WARS2: variants seen among roughly 807,000 people sequenced by gnomAD.
WARS2 encodes tryptophanyl tRNA synthetase 2, mitochondrial.
In WARS2, 28 loss-of-function variants were observed where a neutral mutation model predicts 36.5. That is an observed-to-expected ratio of 0.77 (90% CI 0.57 to 1.05). WARS2 has a LOEUF of 1.05. WARS2 is among the 50% of genes least tolerant of loss of function. The probability of loss-of-function intolerance (pLI) is 0.00; values close to 1 mark genes in which losing one functional copy is unlikely to be tolerated. For synonymous variants in WARS2, 174 were observed against 178.4 expected (o/e 0.98, Z 0.20); for missense variants, 435 against 456.8 (o/e 0.95, Z 0.44).
At position 119,103,775 on chromosome 1, in the gene WARS2, A is replaced by C. The variant is rs587712524; in HGVS notation, c.91-27168T>G. Among the ~76,000 whole-genome samples, 15 of 152,038 alleles carry C rather than the reference A, an allele frequency of 9.9e-5. No homozygotes were observed. The South Asian group carries it at 3.1e-3, about 32-fold the overall frequency. On this transcript the variant is annotated intron_variant, in intron 1 of 5. Transcript: ENST00000235521. ...TAAGACTCAAGTGTATTTATCTATAACTTTATTTAAAAATATGAAACAATT... is the reference window on the plus strand; with the variant it reads ...TAAGACTCAAGTGTATTTATCTATACCTTTATTTAAAAATATGAAACAATT...
At position 119,031,844 on chromosome 1, in the gene WARS2, C is replaced by T. The variant is rs1184466185; in HGVS notation, c.*1067G>A. The T allele has an allele frequency of 6.6e-6, 1 of 152,480 alleles. No homozygotes were observed. Among genetic ancestry groups the T allele is most frequent in the Non-Finnish European group, 1.5e-5 (1 of 68,314 alleles). The allele number at this position is 152,480 out of a possible 1,614,324, so 9.4% of individuals were successfully genotyped here. ...TCTGCAATGAGCGTAGAGGAGAGAA[C>T]TTGGGACCCGCCTTGGGGATTTTGA... On this transcript the variant is annotated 3_prime_UTR_variant, in exon 6 of 6. Transcript: ENST00000235521.
intron 1 of WARS2, among the ~76,000 whole-genome samples, chr1:119,089,104 G>T (rs1411813462): frequency 6.6e-6 from 1 of 152,194 alleles, no homozygotes; most frequent in African/African-American, 2.4e-5. Context: ...ACCTTTGAGA[G>T]ACAGTGTGAA....
chr1:119,087,523 A>G (rs2101386930), intron 1 of WARS2, among the ~76,000 whole-genome samples: 1 of 152,306 alleles, frequency 6.6e-6, no homozygotes. Flanking sequence ...ATTCTTGAAG[A>G]ATGGTTTTAA....
intron 1 of WARS2, among the ~76,000 whole-genome samples, chr1:119,080,675 C>G (rs1293195017): frequency 6.6e-6 from 1 of 152,208 alleles, no homozygotes; most frequent in Non-Finnish European, 1.5e-5. Flanking sequence ...CAGGAGTCAG[C>G]AGGCGGCCTG....
At chr1:119,124,255 G>A (rs1655508732) in intron 1 of WARS2, among the ~76,000 whole-genome samples, 1 of 152,124 alleles carries the variant, frequency 6.6e-6, no homozygotes, top group Non-Finnish European at 1.5e-5. Flanking sequence ...CACTTTGGGA[G>A]GCCAAGGTGG....
chr1:119,052,357 G>A (rs1237996487), intron 2 of WARS2, among the ~76,000 whole-genome samples: 1 of 152,106 alleles, frequency 6.6e-6, no homozygotes, highest in African/African-American at 2.4e-5. Context: ...CTCATTTATT[G>A]CTTCCTCTTG....
At chr1:119,123,916 C>G (rs1436452928) in intron 1 of WARS2, among the ~76,000 whole-genome samples, 1 of 152,120 alleles carries the variant, frequency 6.6e-6, no homozygotes, top group Non-Finnish European at 1.5e-5. Flanking sequence ...CCATCTATAC[C>G]TCTCTCCTGA....
intron 2 of WARS2, among the ~76,000 whole-genome samples, chr1:119,050,757 AATATT>A (rs1649281989): frequency 6.6e-6 from 1 of 152,168 alleles, no homozygotes; most frequent in South Asian, 2.1e-4. Context: ...TACAAACAAA[AATATT>A]ATATACTGTT....
chr1:119,107,057 G>C lies in WARS2; in HGVS notation c.91-30450C>G, dbSNP rs587733073. ...TTGATTTGCAATTCCCTAATGATAA[G>C]TGATGTTGAACATCTTTTGATATGC... On this transcript the variant is annotated intron_variant, in intron 1 of 5. Coordinates refer to ENST00000235521, the MANE Select transcript of WARS2 (RefSeq NM_015836.4). Among the ~76,000 whole-genome samples the C allele has an allele frequency of 2.0e-5, 3 of 152,206 alleles. No homozygotes were observed. The South Asian group carries it at 6.2e-4, about 32-fold the overall frequency.
At chr1:119,050,019 A>AT (rs964651504) in intron 2 of WARS2, among the ~76,000 whole-genome samples, 20 of 152,194 alleles carry the variant, frequency 1.3e-4, no homozygotes, top group Admixed American at 8.5e-4. Flanking sequence ...TGTACTTTTC[A>AT]TTTTTTCAGC....
chr1:119,062,307 C>CGGTA (rs1219734267), intron 2 of WARS2, among the ~76,000 whole-genome samples: 1 of 152,018 alleles, frequency 6.6e-6, no homozygotes, highest in East Asian at 1.9e-4. Context: ...AGACTAGTAC[C>CGGTA]AAACATAACC....
chr1:119,082,554 T>G (rs979646538), intron 1 of WARS2: 31 of 575,832 alleles, frequency 5.4e-5, no homozygotes, highest in Non-Finnish European at 6.1e-5. Context: ...ATCTGAGCTC[T>G]TGCCACTGGA....
At chr1:119,103,188 G>C (rs1311571697) in intron 1 of WARS2, among the ~76,000 whole-genome samples, 1 of 152,112 alleles carries the variant, frequency 6.6e-6, no homozygotes, top group Non-Finnish European at 1.5e-5. Context: ...CTTGTTTGTT[G>C]GTTGGTTGGT....
At chr1:119,033,423 T>G (rs1242140699) in intron 5 of WARS2, 64 bp from the exon 6 acceptor site, 4 of 1,589,116 alleles carry the variant, frequency 2.5e-6, no homozygotes, top group Non-Finnish European at 3.4e-6. Context: ...ATCACCAAGA[T>G]GTACACACAG....
chr1:119,137,161 C>T (rs77074398), intron 1 of WARS2, among the ~76,000 whole-genome samples: 14,118 of 152,038 alleles, frequency 0.093, 884 homozygotes, highest in Middle Eastern at 0.17. Context: ...TATTATTGTA[C>T]CAATATTAAT....
chr1:119,123,184 G>A (rs912145416), intron 1 of WARS2, among the ~76,000 whole-genome samples: 8 of 152,176 alleles, frequency 5.3e-5, no homozygotes, highest in African/African-American at 1.9e-4. Flanking sequence ...TCTAAAGAAA[G>A]AATATGTTCC....
At position 119,031,452 on chromosome 1, in the gene WARS2, G is replaced by A. The variant is rs1054540378; in HGVS notation, c.*1459C>T. Reference sequence around the variant, plus strand: ...TGTTTTAATTTGGAATCTGGGATGGGGCGTTTTGTGGATTAACATGTGTTC... The same window carrying A: ...TGTTTTAATTTGGAATCTGGGATGGAGCGTTTTGTGGATTAACATGTGTTC... On this transcript the variant is annotated 3_prime_UTR_variant, in exon 6 of 6. Transcript: ENST00000235521. 5.3e-5 allele frequency: 8 copies of A among 152,130 alleles called. No homozygotes were observed. Among genetic ancestry groups the A allele is most frequent in the South Asian group, 4.2e-4 (2 of 4,818 alleles). The allele number at this position is 152,130 out of a possible 1,614,324, so 9.4% of individuals were successfully genotyped here.
chr1:119,034,356 C>G, intron 4 of WARS2, 143 bp from the exon 5 acceptor site: 1 of 687,286 alleles, frequency 1.5e-6, no homozygotes, highest in African/African-American at 1.8e-5. Flanking sequence ...AATGTTTAGA[C>G]CTAAGTCTTT....
At chr1:119,041,057 C>T (rs111463858) in intron 4 of WARS2, among the ~76,000 whole-genome samples, 8 of 152,328 alleles carry the variant, frequency 5.3e-5, no homozygotes, top group South Asian at 2.1e-4. Flanking sequence ...CATGGACATT[C>T]CCTGTTTGTA....
Sources: allele counts gnomAD v4.1 joint callset (sites outside exome capture counted in the v4.1 genomes callset), GRCh38; gene constraint gnomAD v4.1.1; transcripts MANE v1.5; gene names NCBI Gene and HGNC (gene_info 2026-07-23, HGNC 2026-07-21).